Variants in PROK2 observed in about 807,000 individuals in gnomAD.
PROK2 encodes the protein prokineticin-2.
Under a neutral mutation model 14.2 loss-of-function variants are expected in PROK2, and 8 were observed. That is an observed-to-expected ratio of 0.56 (90% CI 0.33 to 1.02). The LOEUF (loss-of-function observed/expected upper bound fraction) is 1.02. Ranked by LOEUF, PROK2 falls within the 50% of genes least tolerant of loss-of-function variation. The pLI is 0.03. For synonymous variants in PROK2, 59 were observed against 60.7 expected, an observed-to-expected ratio of 0.97 and a Z score of 0.13; for missense variants, 154 against 160.4, an observed-to-expected ratio of 0.96 and a Z score of 0.22.
chr3:71,772,962 T>A (rs548941687), intron 3 of PROK2, 134 bp from the exon 4 acceptor site: 2 of 727,848 alleles, frequency 2.7e-6, no homozygotes, highest in Admixed American at 4.7e-5. Context: ...GGCAATATGC[T>A]CAGTACTTTT....
chr3:71,772,536 C>A lies in PROK2; in HGVS notation c.*188G>T, dbSNP rs1400197567. ...AATGCCTTACACTTCATATTTCTAT[C>A]CAAAAGTAAAATTCTCTTTCGATAA... On this transcript the variant is annotated 3_prime_UTR_variant, in exon 4 of 4. Coordinates refer to ENST00000295619, the MANE Select transcript of PROK2 (RefSeq NM_001126128.2). 3.2e-6 allele frequency: 2 copies of A among 618,628 alleles called. No homozygotes were observed. The highest frequency in any genetic ancestry group is 3.0e-5 in the Admixed American group (1 of 32,896). The allele number at this position is 618,628 out of a possible 1,614,324, so 38.3% of individuals were successfully genotyped here.
intron 2 of PROK2, among the ~76,000 whole-genome samples, chr3:71,781,162 T>C (rs1311650884): frequency 6.6e-6 from 1 of 152,230 alleles, no homozygotes. Context: ...TACTAGAGTA[T>C]AATATATATT....
intron 2 of PROK2, among the ~76,000 whole-genome samples, chr3:71,774,868 C>A (rs1050870002): frequency 6.6e-6 from 1 of 152,094 alleles, no homozygotes; most frequent in African/African-American, 2.4e-5. Context: ...TCATCAACGA[C>A]CTTTATAGCC....
intron 1 of PROK2, among the ~76,000 whole-genome samples, chr3:71,784,483 A>G (rs1397601774): frequency 6.6e-6 from 1 of 152,230 alleles, no homozygotes; most frequent in East Asian, 1.9e-4. Flanking sequence ...CGGAGGACGC[A>G]TCGGGGAGCA....
At position 71,776,357 on chromosome 3, in the gene PROK2, G is replaced by A. The variant is rs1414489642; in HGVS notation, c.223-1850C>T. ...TCTCTTCTTTTCTTTTTTTCTTTTC[G>A]CTTTTCATTTTTTTTTTTTTTTTTT... On this transcript the variant is annotated intron_variant, in intron 2 of 3. Transcript: ENST00000295619. Among the ~76,000 whole-genome samples the A allele has an allele frequency of 1.2e-4, 14 of 121,028 alleles. 1 individual carries two copies. The highest frequency in any genetic ancestry group is 6.6e-5 in the African/African-American group (2 of 30,426). 79.4% of individuals were successfully genotyped at this position (121,028 alleles called of 152,430 possible).
At chr3:71,774,866 G>A (rs933364707) in intron 2 of PROK2, among the ~76,000 whole-genome samples, 1 of 151,982 alleles carries the variant, frequency 6.6e-6, no homozygotes, top group Non-Finnish European at 1.5e-5. Context: ...GATCATCAAC[G>A]ACCTTTATAG....
intron 2 of PROK2, among the ~76,000 whole-genome samples, chr3:71,776,541 C>A (rs2050121903): frequency 6.6e-6 from 1 of 151,910 alleles, no homozygotes; most frequent in Non-Finnish European, 1.5e-5. Flanking sequence ...CCATGCCCAG[C>A]TAATTTTTGT....
At chr3:71,781,648 G>A in intron 1 of PROK2, 56 bp from the exon 2 acceptor site, 4 of 1,556,128 alleles carry the variant, frequency 2.6e-6, no homozygotes, top group Non-Finnish European at 3.5e-6. Context: ...CTCAGGCTAA[G>A]GAAACCTAAA....
At position 71,782,508 on chromosome 3, in the gene PROK2, C is replaced by T. The variant is rs116466738; in HGVS notation, c.97-916G>A. Among the ~76,000 whole-genome samples, 373 of 152,222 alleles carry T rather than the reference C, an allele frequency of 2.5e-3. 1 individual carries two copies. The highest frequency in any genetic ancestry group is 8.4e-3 in the African/African-American group (348 of 41,520). On this transcript the variant is annotated intron_variant, in intron 1 of 3. Transcript: ENST00000295619. ...AAATAATAAAATCTAAATCTATTTG[C>T]ATGAAAATGGATCTGAAGAACTATT...
At chr3:71,773,878 T>C (rs1448253864) in intron 3 of PROK2, among the ~76,000 whole-genome samples, 1 of 152,190 alleles carries the variant, frequency 6.6e-6, no homozygotes, top group African/African-American at 2.4e-5. Context: ...ACACACCAAA[T>C]ATGTATGCTT....
intron 1 of PROK2, among the ~76,000 whole-genome samples, chr3:71,783,631 C>A (rs1398698790): frequency 2.0e-5 from 3 of 152,114 alleles, no homozygotes; most frequent in African/African-American, 7.2e-5. Context: ...CAAAAAGATA[C>A]TTATATTGCA....
intron 2 of PROK2, among the ~76,000 whole-genome samples, chr3:71,777,892 C>T (rs887258908): frequency 1.3e-5 from 2 of 150,152 alleles, no homozygotes; most frequent in African/African-American, 4.9e-5. Context: ...AGGCATGATT[C>T]AGTTAAGTCA....
At chr3:71,781,644 C>T (rs2050161496) in intron 1 of PROK2, 52 bp from the exon 2 acceptor site, 1 of 1,555,192 alleles carries the variant, frequency 6.4e-7, no homozygotes, top group Admixed American at 1.7e-5. Flanking sequence ...AAGACTCAGG[C>T]TAAGGAAACC....
At chr3:71,774,409 T>C (rs370627244) in intron 3 of PROK2, 36 bp downstream of exon 3, 1 of 1,551,612 alleles carries the variant, frequency 6.4e-7, no homozygotes, top group Non-Finnish European at 8.7e-7. Context: ...CTTCTGGGCA[T>C]GTCTTTCGGT....
intron 1 of PROK2, 124 bp from the exon 2 acceptor site, chr3:71,781,716 A>AT (rs746983591): frequency 4.9e-6 from 5 of 1,024,590 alleles, no homozygotes; most frequent in Non-Finnish European, 7.3e-6. Context: ...AATCAGGTAT[A>AT]TTTTTTAAAT....
rs144257556 is a variant in PROK2 at position 71,782,168 on chromosome 3, C to T, written c.97-576G>A. 2.6e-3 allele frequency among the ~76,000 whole-genome samples: 392 copies of T among 152,340 alleles called. 1 individual carries two copies. The highest frequency in any genetic ancestry group is 3.4e-3 in the Non-Finnish European group (233 of 68,024). ...GACTTGACGTTTCTCACACCACTGA[C>T]TTGCTTTTTCACCATTTTCTCTTTA... On this transcript the variant is annotated intron_variant, in intron 1 of 3. Transcript: ENST00000295619.
In PROK2 at chr3:71,772,629, AT is replaced by A. The variant is rs1351925216; in HGVS notation, c.*94del. On this transcript the variant is annotated 3_prime_UTR_variant, in exon 4 of 4. Transcript: ENST00000295619. ...CTTGGAAAGTTGAGGAAGCAAGAGC[AT>A]TTCTTTCTGGCACATTTTTTGTTTG... 9.4e-7 allele frequency: 1 copy of A among 1,068,634 alleles called. No homozygotes were observed. The highest frequency in any genetic ancestry group is 1.6e-5 in the African/African-American group (1 of 64,076). 66.2% of individuals were successfully genotyped at this position (1,068,634 alleles called of 1,614,324 possible).
intron 1 of PROK2, among the ~76,000 whole-genome samples, chr3:71,783,827 A>G (rs1355579047): frequency 1.3e-5 from 2 of 152,276 alleles, no homozygotes; most frequent in African/African-American, 4.8e-5. Flanking sequence ...TCTAATAAAT[A>G]TCACAGAGCT....
intron 1 of PROK2, among the ~76,000 whole-genome samples, chr3:71,782,533 T>C (rs1374136929): frequency 6.6e-6 from 1 of 152,208 alleles, no homozygotes; most frequent in African/African-American, 2.4e-5. Context: ...GAAGAACTAT[T>C]ATTCTTTCCT....
Sources: allele counts gnomAD v4.1 joint callset (sites outside exome capture counted in the v4.1 genomes callset), GRCh38; gene constraint gnomAD v4.1.1; transcripts MANE v1.5; gene names NCBI Gene and HGNC (gene_info 2026-07-23, HGNC 2026-07-21).